GRM7: variants seen among roughly 807,000 people sequenced by gnomAD.
GRM7 encodes the protein glutamate metabotropic receptor 7, also known as metabotropic glutamate receptor 7.
In GRM7, 35 loss-of-function variants were observed where a neutral mutation model predicts 84.5. That is an observed-to-expected ratio of 0.41 (90% confidence interval 0.32 to 0.55). The LOEUF (loss-of-function observed/expected upper bound fraction) is 0.55. GRM7 is among the 20% of genes least tolerant of loss of function. The pLI is 0.19. For synonymous variants in GRM7, 487 were observed against 455.1 expected, an observed-to-expected ratio of 1.07 and a Z score of -0.89; for missense variants, 1,003 against 1,194.6, an observed-to-expected ratio of 0.84 and a Z score of 2.36.
At chr3:7,355,850 C>G (rs559611198) in intron 4 of GRM7, among the ~76,000 whole-genome samples, 1 of 152,216 alleles carries the variant, frequency 6.6e-6, no homozygotes, top group Admixed American at 6.5e-5. Flanking sequence ...CTCTCCCAGT[C>G]TGCACCTGTG....
Position 7,531,268 on chromosome 3 carries a change from T to C in GRM7, c.1516-47154T>C, listed in dbSNP as rs73132474. ...AGATGGTTGTAGATTTGTGGCATTA[T>C]ATCTGAGGCCTTTTTTTCTGTTCCA... On this transcript the variant is annotated intron_variant, in intron 7 of 9. Coordinates refer to ENST00000357716, the MANE Select transcript of GRM7 (RefSeq NM_000844.4). Among the ~76,000 whole-genome samples the C allele has an allele frequency of 3.7e-3, 557 of 152,298 alleles. 6 individuals carry two copies. Among genetic ancestry groups the C allele is most frequent in the African/African-American group, 0.013 (536 of 41,568 alleles).
chr3:7,594,557 A>G (rs1421993436), intron 8 of GRM7, among the ~76,000 whole-genome samples: 1 of 152,136 alleles, frequency 6.6e-6, no homozygotes, highest in Non-Finnish European at 1.5e-5. Flanking sequence ...CTCTATGTAA[A>G]TACAAACGTG....
At chr3:7,294,431 C>T (rs1261168118) in intron 2 of GRM7, among the ~76,000 whole-genome samples, 3 of 152,250 alleles carry the variant, frequency 2.0e-5, no homozygotes, top group Middle Eastern at 3.4e-3. Flanking sequence ...GGAATCATGG[C>T]ATTGAGACTG....
intron 1 of GRM7, among the ~76,000 whole-genome samples, chr3:7,009,250 C>T (rs569473856): frequency 3.3e-5 from 5 of 152,168 alleles, no homozygotes; most frequent in Non-Finnish European, 7.3e-5. Context: ...ATGTGTATCA[C>T]TGTATCTTCA....
In GRM7 at chr3:7,579,199, C is replaced by A. The variant is rs749870694; in HGVS notation, c.2293C>A (p.Leu765Ile). The change falls in exon 8 of 10, where the codon CTT (leucine) becomes ATT (isoleucine). Residue 765 changes from leucine (L) to isoleucine (I), a missense_variant. Physicochemically the swap from Leu to Ile is conservative, Grantham distance 5. Around this residue, in one of 2 missense-constraint regions of GRM7, gnomAD observed 910 missense variants for 1,126.0 expected, o/e 0.81. Coordinates refer to ENST00000357716, the MANE Select transcript of GRM7 (RefSeq NM_000844.4). ...CATTTGCTCCTTGGGATATAGCATT[C>A]TTCTCATGGTCACATGTACTGTGTA... Reference protein sequence around the residue: ...QIICSLGYSILLMVTCTVYAI... With the variant: ...QIICSLGYSIILMVTCTVYAI... The A allele has an allele frequency of 1.9e-6, 3 of 1,613,914 alleles. No homozygotes were observed. The highest frequency in any genetic ancestry group is 1.3e-5 in the African/African-American group (1 of 75,012).
At chr3:7,500,467 T>A (rs867705515) in intron 7 of GRM7, among the ~76,000 whole-genome samples, 1 of 152,330 alleles carries the variant, frequency 6.6e-6, no homozygotes, top group Middle Eastern at 3.4e-3. Context: ...TTTCTTCAAC[T>A]TGGTCTGCAG....
intron 5 of GRM7, among the ~76,000 whole-genome samples, chr3:7,415,829 G>A (rs1416159317): frequency 6.6e-6 from 1 of 152,060 alleles, no homozygotes; most frequent in Non-Finnish European, 1.5e-5. Flanking sequence ...CCCAGAGTCT[G>A]GTGGAAGGAA....
intron 8 of GRM7, among the ~76,000 whole-genome samples, chr3:7,638,722 C>T (rs1698220729): frequency 6.6e-6 from 1 of 152,096 alleles, no homozygotes; most frequent in Non-Finnish European, 1.5e-5. Flanking sequence ...TGCCCTGAAG[C>T]ATTTGAAAGA....
chr3:7,230,832 G>A (rs952825443), intron 2 of GRM7, among the ~76,000 whole-genome samples: 9 of 152,290 alleles, frequency 5.9e-5, no homozygotes, highest in Admixed American at 3.3e-4. Flanking sequence ...GTGAAGGTAC[G>A]AGTAATTCTG....
intron 2 of GRM7, among the ~76,000 whole-genome samples, chr3:7,294,238 T>A (rs1484218573): frequency 6.6e-6 from 1 of 152,180 alleles, no homozygotes; most frequent in Non-Finnish European, 1.5e-5. Flanking sequence ...TGGAGTTTGC[T>A]CCAATTTGCT....
intron 4 of GRM7, among the ~76,000 whole-genome samples, chr3:7,331,903 A>G (rs1701223164): frequency 1.3e-5 from 2 of 152,188 alleles, no homozygotes; most frequent in African/African-American, 4.8e-5. Flanking sequence ...ACTGAGAAGT[A>G]GCAAAACCTG....
At chr3:7,472,129 T>C (rs772621551) in intron 7 of GRM7, among the ~76,000 whole-genome samples, 16 of 152,194 alleles carry the variant, frequency 1.1e-4, no homozygotes, top group Non-Finnish European at 1.9e-4. Flanking sequence ...CCTCTCTCAC[T>C]GTGTGATCTC....
rs532783081 is a variant in GRM7, at chr3:7,503,961, A to G, written c.1515+42239A>G. ...CTGTTCTCTGTGGATGGACACTGGG[A>G]ATATCAACAGATGCACTTTTATAGA... On this transcript the variant is annotated intron_variant, in intron 7 of 9. Coordinates refer to ENST00000357716, the MANE Select transcript of GRM7 (RefSeq NM_000844.4). 2.4e-4 allele frequency among the ~76,000 whole-genome samples: 36 copies of G among 152,300 alleles called. No homozygotes were observed. In the East Asian group the frequency reaches 6.0e-3, roughly 25 times the overall value.
At chr3:7,140,290 G>A (rs1693906484) in intron 1 of GRM7, among the ~76,000 whole-genome samples, 1 of 151,950 alleles carries the variant, frequency 6.6e-6, no homozygotes, top group Non-Finnish European at 1.5e-5. Flanking sequence ...AACATGAAGT[G>A]GTTGAGTATT....
At chr3:6,879,139 TA>T (rs1695418742) in intron 1 of GRM7, among the ~76,000 whole-genome samples, 1 of 152,100 alleles carries the variant, frequency 6.6e-6, no homozygotes, top group Admixed American at 6.6e-5. Flanking sequence ...ATATTTTCAA[TA>T]AGATACGTAA....
intron 4 of GRM7, among the ~76,000 whole-genome samples, chr3:7,381,584 A>G (rs1694593756): frequency 6.6e-6 from 1 of 152,190 alleles, no homozygotes; most frequent in South Asian, 2.1e-4. Context: ...ATGTATATCC[A>G]AAGAGCCGCC....
chr3:7,698,195 G>C (rs1288627266), intron 9 of GRM7, among the ~76,000 whole-genome samples: 3 of 152,136 alleles, frequency 2.0e-5, no homozygotes, highest in African/African-American at 7.2e-5. Context: ...CAAGGGGAAA[G>C]TCTGACTATG....
intron 9 of GRM7, among the ~76,000 whole-genome samples, chr3:7,712,767 G>A (rs1427788841): frequency 6.6e-6 from 1 of 152,108 alleles, no homozygotes; most frequent in Non-Finnish European, 1.5e-5. Context: ...AAAGTATAAT[G>A]AACTGGATAT....
At position 7,561,362 on chromosome 3, in the gene GRM7, A is replaced by T. The variant is rs996626919; in HGVS notation, c.1516-17060A>T. The T allele has an allele frequency of 2.1e-5, 7 of 336,468 alleles. 1 individual carries two copies. Among genetic ancestry groups the T allele is most frequent in the Non-Finnish European group, 1.2e-5 (2 of 165,926 alleles). 20.8% of individuals were successfully genotyped at this position (336,468 alleles called of 1,614,324 possible). The stretch of plus-strand genomic sequence containing the variant: ...ATTTATACTGTGATGCTGAGATCCT[A>T]TTGAGGGAAAGAAAATAGGTGTTTC... On this transcript the variant is annotated intron_variant, in intron 7 of 9. Transcript: ENST00000357716.
Sources: allele counts gnomAD v4.1 joint callset (sites outside exome capture counted in the v4.1 genomes callset), GRCh38; gene constraint gnomAD v4.1.1; regional missense constraint gnomAD v4.1.1; transcripts MANE v1.5; gene names NCBI Gene and HGNC (gene_info 2026-07-23, HGNC 2026-07-21).